The following BICC1 variants were observed in gnomAD, a reference collection of about 807,000 sequenced individuals.
BICC1 encodes the protein BicC family RNA binding protein 1, also known as protein bicaudal C homolog 1.
A neutral mutation model predicts 111.0 loss-of-function variants in BICC1; 43 were observed. The observed-to-expected ratio is 0.39, with a 90% CI of 0.30 to 0.50. The LOEUF is 0.50. BICC1 is among the 20% of genes least tolerant of loss of function. The pLI, the probability that BICC1 is intolerant of heterozygous loss-of-function variation, is 0.88. For missense variants in BICC1, 1,091 were observed against 1,203.2 expected (o/e 0.91, Z 1.38); for synonymous variants, 467 against 434.4 (o/e 1.07, Z -0.93).
At chr10:58,766,366 G>C (rs1842455973) in intron 3 of BICC1, among the ~76,000 whole-genome samples, 1 of 152,146 alleles carries the variant, frequency 6.6e-6, no homozygotes, top group Non-Finnish European at 1.5e-5. Flanking sequence ...CCCCATGTGT[G>C]TATTTTTGTT....
intron 2 of BICC1, among the ~76,000 whole-genome samples, chr10:58,631,495 C>CT (rs537407852): frequency 1.1e-4 from 16 of 148,312 alleles, no homozygotes; most frequent in South Asian, 8.4e-4. Flanking sequence ...TTTCTTCTTT[C>CT]TTTTTTTTTG....
At chr10:58,575,110 C>T (rs1265909793) in intron 1 of BICC1, among the ~76,000 whole-genome samples, 1 of 151,742 alleles carries the variant, frequency 6.6e-6, no homozygotes. Context: ...GTTTGCTGCA[C>T]CTATCAACTC....
intron 1 of BICC1, among the ~76,000 whole-genome samples, chr10:58,524,588 G>T (rs1245651613): frequency 1.3e-5 from 2 of 152,214 alleles, no homozygotes; most frequent in African/African-American, 2.4e-5. Flanking sequence ...TTAAATATTA[G>T]ACCTAAAACC....
At chr10:58,686,662 C>G (rs1019711531) in intron 2 of BICC1, among the ~76,000 whole-genome samples, 4 of 152,148 alleles carry the variant, frequency 2.6e-5, no homozygotes, top group African/African-American at 4.8e-5. Context: ...ATCAAATCGG[C>G]TACTGAAGCT....
At chr10:58,727,005 T>C (rs7923248) in intron 3 of BICC1, among the ~76,000 whole-genome samples, 46,441 of 152,036 alleles carry the variant, frequency 0.31, 8,062 homozygotes, top group African/African-American at 0.47. Context: ...AACATGAAGT[T>C]GCTTTAGAAA....
intron 2 of BICC1, among the ~76,000 whole-genome samples, chr10:58,649,860 TC>T (rs869250919): frequency 5.6e-4 from 4 of 7,154 alleles, no homozygotes; most frequent in Non-Finnish European, 0.014. Context: ...GGATTTGGAT[TC>T]AGGGGGTCTG....
chr10:58,649,039 T>A (rs2132242310), intron 2 of BICC1, among the ~76,000 whole-genome samples: 1 of 152,222 alleles, frequency 6.6e-6, no homozygotes, highest in South Asian at 2.1e-4. Context: ...ACCACCCTAC[T>A]ACCCTGAACA....
intron 9 of BICC1, among the ~76,000 whole-genome samples, chr10:58,794,080 G>C (rs1402888519): frequency 6.6e-6 from 1 of 151,886 alleles, no homozygotes; most frequent in Non-Finnish European, 1.5e-5. Context: ...AAATGAGAAG[G>C]AAAGAACATT....
At chr10:58,528,179 A>T (rs1589064724) in intron 1 of BICC1, among the ~76,000 whole-genome samples, 1 of 151,976 alleles carries the variant, frequency 6.6e-6, no homozygotes, top group East Asian at 2.0e-4. Context: ...GGAGCTTTAA[A>T]GCAAAGTCAC....
intron 17 of BICC1, among the ~76,000 whole-genome samples, chr10:58,813,095 G>T (rs1843963324): frequency 6.6e-6 from 1 of 152,102 alleles, no homozygotes; most frequent in Non-Finnish European, 1.5e-5. Flanking sequence ...GTTTATTGAA[G>T]TGAACAGTAA....
rs1032578977 is a variant in BICC1 at position 58,634,548 on chromosome 10, G to T, written c.237+13647G>T. Among the ~76,000 whole-genome samples the T allele has an allele frequency of 2.1e-4, 32 of 152,142 alleles. 1 individual carries two copies. The highest frequency in any genetic ancestry group is 7.4e-5 in the Non-Finnish European group (5 of 68,018). ...GCTCCTCAGGTGACATTACTCTGTA[G>T]CTAAGGTTGGGAACTACTGATGTGC... On this transcript the variant is annotated intron_variant, in intron 2 of 20. Transcript: ENST00000373886.
chr10:58,622,637 T>C (rs1014475559), intron 2 of BICC1, among the ~76,000 whole-genome samples: 3 of 152,322 alleles, frequency 2.0e-5, no homozygotes, highest in East Asian at 3.9e-4. Flanking sequence ...TTTCCATAGA[T>C]AGGTGTCCGT....
intron 15 of BICC1, 79 bp from the exon 16 acceptor site, chr10:58,806,505 C>CT: frequency 7.7e-7 from 1 of 1,304,378 alleles, no homozygotes; most frequent in Non-Finnish European, 1.1e-6. Context: ...ACAGTCAAAA[C>CT]CTTTGTTCTC....
intron 5 of BICC1, 71 bp downstream of exon 5, chr10:58,787,152 C>T (rs1843033084): frequency 7.3e-7 from 1 of 1,372,966 alleles, no homozygotes; most frequent in Non-Finnish European, 9.7e-7. Flanking sequence ...GTTTGCCTAT[C>T]TTTTTTTTCT....
intron 1 of BICC1, among the ~76,000 whole-genome samples, chr10:58,527,882 T>C (rs2131844925): frequency 6.6e-6 from 1 of 152,076 alleles, no homozygotes; most frequent in South Asian, 2.1e-4. Flanking sequence ...GTTGCAAAGC[T>C]CTGCCTTCTA....
chr10:58,629,261 G>T (rs1051389122), intron 2 of BICC1, among the ~76,000 whole-genome samples: 2 of 151,992 alleles, frequency 1.3e-5, no homozygotes, highest in African/African-American at 2.4e-5. Flanking sequence ...AAAGCTGGAT[G>T]TGGTATTGTC....
At chr10:58,571,542 A>T (rs1431251283) in intron 1 of BICC1, among the ~76,000 whole-genome samples, 1 of 128,770 alleles carries the variant, frequency 7.8e-6, no homozygotes, top group Admixed American at 1.0e-4. Context: ...CCATATGTCC[A>T]TGTGTTCTCA....
chr10:58,534,925 A>T (rs1626532), intron 1 of BICC1, among the ~76,000 whole-genome samples: 69,496 of 151,238 alleles, frequency 0.46, 17,016 homozygotes, highest in Admixed American at 0.62. Context: ...GAAATGAAAG[A>T]CACACTTAGG....
Position 58,789,943 on chromosome 10 carries a change from C to G in BICC1, c.1047+10C>G. The G allele has an allele frequency of 6.2e-7, 1 of 1,613,582 alleles. No homozygotes were observed. Among genetic ancestry groups the G allele is most frequent in the Non-Finnish European group, 8.5e-7 (1 of 1,179,768 alleles). ...AAGGCAATATCTCATGGTAAGGTTA[C>G]TGAAATAAGTGTTACAATTTTTTTA... is the stretch of plus-strand genomic sequence containing the variant. On this transcript the variant is annotated intron_variant, in intron 8 of 20. Coordinates refer to ENST00000373886, the MANE Select transcript of BICC1 (RefSeq NM_001080512.3).
Sources: allele counts gnomAD v4.1 joint callset (sites outside exome capture counted in the v4.1 genomes callset), GRCh38; gene constraint gnomAD v4.1.1; transcripts MANE v1.5; gene names NCBI Gene and HGNC (gene_info 2026-07-23, HGNC 2026-07-21).